The following NAA25 variants were observed in gnomAD, a reference collection of about 807,000 sequenced individuals.
The protein encoded by NAA25 is N-alpha-acetyltransferase 25, NatB auxiliary subunit.
NAA25 carries 30 observed loss-of-function variants against 132.5 expected under a neutral mutation model. That is an observed-to-expected ratio of 0.23 (90% CI 0.17 to 0.31). The LOEUF (loss-of-function observed/expected upper bound fraction) is 0.31, where lower values mean the gene tolerates loss of function less well. Ranked by LOEUF, NAA25 falls within the 10% of genes least tolerant of loss-of-function variation. The probability of loss-of-function intolerance (pLI) is 1.00; values close to 1 mark genes in which losing one functional copy is unlikely to be tolerated. For missense variants in NAA25, 771 were observed against 1,150.4 expected (o/e 0.67, Z 4.77); for synonymous variants, 359 against 401.9 (o/e 0.89, Z 1.28).
chr12:112,036,034 AC>A (rs1397043566), intron 22 of NAA25, among the ~76,000 whole-genome samples: 2 of 151,948 alleles, frequency 1.3e-5, no homozygotes, highest in East Asian at 1.9e-4. Context: ...CAAACAAAAG[AC>A]CCCCATTGAT....
At chr12:112,055,551 A>G (rs1336641974) in intron 13 of NAA25, among the ~76,000 whole-genome samples, 1 of 152,042 alleles carries the variant, frequency 6.6e-6, no homozygotes. Flanking sequence ...TTTTGAAAAA[A>G]TTAACCAGAT....
intron 1 of NAA25, among the ~76,000 whole-genome samples, chr12:112,094,866 G>A (rs2079189683): frequency 6.6e-6 from 1 of 151,852 alleles, no homozygotes; most frequent in Admixed American, 6.6e-5. Flanking sequence ...CACTATGTTG[G>A]CCAGGCTAGT....
intron 22 of NAA25, 43 bp downstream of exon 22, chr12:112,039,186 G>GGT (rs1340582415): frequency 1.6e-6 from 2 of 1,216,548 alleles, no homozygotes; most frequent in East Asian, 4.8e-5. Flanking sequence ...AGTAGCATGT[G>GGT]GTCAGATTGT....
chr12:112,067,668 G>A (rs1398552866), intron 11 of NAA25, among the ~76,000 whole-genome samples: 1 of 152,130 alleles, frequency 6.6e-6, no homozygotes, highest in African/African-American at 2.4e-5. Flanking sequence ...CTGGGCCACA[G>A]AGCGAGACCC....
chr12:112,068,390 A>G (rs1052502651), intron 11 of NAA25, among the ~76,000 whole-genome samples: 5 of 152,156 alleles, frequency 3.3e-5, no homozygotes, highest in African/African-American at 1.2e-4. Flanking sequence ...TATGTGCCAC[A>G]TACTGCACTA....
In NAA25 at chr12:112,048,305, G is replaced by C. The variant is rs376403967; in HGVS notation, c.1867C>G (p.Leu623Val). Reference protein sequence around the residue: ...RTERMLLDLLLEANISTSLAE... With the variant: ...RTERMLLDLLVEANISTSLAE... ...TGCAATACTTACATATTTGCTTCAA[G>C]TAGAAGGTCTAACAGCATCCGTTCA... The change falls in exon 16 of 24, where the codon CTT becomes GTT. Residue 623 changes from leucine to valine, a missense_variant. Around this residue, in one of 3 missense-constraint regions of NAA25, gnomAD observed 324 missense variants for 400.0 expected, o/e 0.81. Transcript: ENST00000261745. 2.5e-6 allele frequency: 4 copies of C among 1,612,448 alleles called. No homozygotes were observed. The highest frequency in any genetic ancestry group is 3.4e-6 in the Non-Finnish European group (4 of 1,179,114).
chr12:112,100,241 A>C (rs2079273031), intron 1 of NAA25, among the ~76,000 whole-genome samples: 1 of 152,128 alleles, frequency 6.6e-6, no homozygotes, highest in Admixed American at 6.6e-5. Context: ...GGCTCACTGC[A>C]ACCTCTGCCT....
chr12:112,067,879 G>C (rs565227917), intron 11 of NAA25, among the ~76,000 whole-genome samples: 18 of 152,002 alleles, frequency 1.2e-4, no homozygotes, highest in Admixed American at 2.6e-4. Flanking sequence ...GGGTCTACAC[G>C]TGCTCACCAC....
At chr12:112,095,676 A>C (rs1269616685) in intron 1 of NAA25, among the ~76,000 whole-genome samples, 1 of 152,016 alleles carries the variant, frequency 6.6e-6, no homozygotes, top group Non-Finnish European at 1.5e-5. Context: ...AGAAAGAAAA[A>C]AAAAGACATG....
At chr12:112,095,256 T>TCTCTAC (rs2079194854) in intron 1 of NAA25, among the ~76,000 whole-genome samples, 1 of 151,584 alleles carries the variant, frequency 6.6e-6, no homozygotes, top group Non-Finnish European at 1.5e-5. Context: ...GCTAACACGG[T>TCTCTAC]GAAACCCCAT....
intron 21 of NAA25, chr12:112,039,733 A>C (rs2078276377): frequency 6.0e-6 from 1 of 166,752 alleles, no homozygotes; most frequent in Non-Finnish European, 1.3e-5. Context: ...CATCTCTCCA[A>C]GCAGGTAAGA....
chr12:112,079,383 G>C (rs1223921687), intron 5 of NAA25, among the ~76,000 whole-genome samples: 2 of 151,972 alleles, frequency 1.3e-5, no homozygotes, highest in African/African-American at 4.8e-5. Flanking sequence ...CAGAAATTTT[G>C]AGACCAGCCT....
intron 7 of NAA25, among the ~76,000 whole-genome samples, chr12:112,077,302 G>A (rs541720522): frequency 1.3e-4 from 20 of 151,756 alleles, no homozygotes; most frequent in African/African-American, 4.6e-4. Flanking sequence ...TTGAAACCCC[G>A]TCTCTACTAA....
At chr12:112,032,528 G>A (rs1443616291) in intron 23 of NAA25, among the ~76,000 whole-genome samples, 3 of 152,096 alleles carry the variant, frequency 2.0e-5, no homozygotes, top group African/African-American at 4.8e-5. Flanking sequence ...ACAAACTCCC[G>A]GAGGGAAGCA....
intron 17 of NAA25, among the ~76,000 whole-genome samples, chr12:112,045,215 G>A (rs991688601): frequency 4.6e-5 from 7 of 152,154 alleles, no homozygotes; most frequent in Non-Finnish European, 7.4e-5. Flanking sequence ...GGTGTGGCCC[G>A]GTGCAGTGGC....
chr12:112,095,525 G>A (rs2079200177), intron 1 of NAA25, among the ~76,000 whole-genome samples: 1 of 151,208 alleles, frequency 6.6e-6, no homozygotes, highest in African/African-American at 2.4e-5. Flanking sequence ...AGCTTGGGAG[G>A]TAGAGGCTGC....
At position 112,049,656 on chromosome 12, in the gene NAA25, T is replaced by A; in HGVS notation, c.1729-1213A>T. 1 of 985,392 alleles carries A rather than the reference T, an allele frequency of 1.0e-6. No homozygotes were observed. The highest frequency in any genetic ancestry group is 1.2e-6 in the Non-Finnish European group (1 of 829,824). 61.0% of individuals were successfully genotyped at this position (985,392 alleles called of 1,614,324 possible). The stretch of plus-strand genomic sequence containing the variant: ...ACGGACACAAGAAAATTAAAAAGAT[T>A]ACTTGTGATCCTGCAGGTTTCAAGA... On this transcript the variant is annotated intron_variant, in intron 15 of 23. Coordinates refer to ENST00000261745, the MANE Select transcript of NAA25 (RefSeq NM_024953.4). This position sits in a 1 kb window ranked among gnomAD's most constrained non-coding sequence, Gnocchi z 4.7.
chr12:112,070,897 C>T (rs1299620271), intron 10 of NAA25, among the ~76,000 whole-genome samples: 1 of 152,200 alleles, frequency 6.6e-6, no homozygotes, highest in Non-Finnish European at 1.5e-5. Context: ...CAGGCGTGTG[C>T]CACCATGCCT....
At chr12:112,079,352 G>A (rs1161485046) in intron 5 of NAA25, among the ~76,000 whole-genome samples, 2 of 152,092 alleles carry the variant, frequency 1.3e-5, no homozygotes, top group African/African-American at 4.8e-5. Flanking sequence ...AGGAGGCTGG[G>A]GCAGGTGGAT....
Sources: gnomAD v4.1 joint callset for allele counts (sites outside exome capture counted in the v4.1 genomes callset) on GRCh38, gnomAD v4.1.1 for gene constraint, gnomAD v4.1.1 regional missense constraint, Gnocchi (gnomAD v3.1) non-coding constraint, MANE v1.5 for transcripts, NCBI Gene and HGNC (gene_info 2026-07-23, HGNC 2026-07-21) for gene names.